COL13A1: variants seen among roughly 807,000 people sequenced by gnomAD.
The protein encoded by COL13A1 is collagen alpha-1(XIII) chain.
Under a neutral mutation model 130.9 loss-of-function variants are expected in COL13A1, and 89 were observed. The ratio of observed to expected loss-of-function variants is 0.68; its 90% CI spans 0.57 to 0.81. COL13A1 has a LOEUF of 0.81. Among genes scored for constraint, COL13A1 ranks in the 30% least tolerant of loss-of-function variants. The probability of loss-of-function intolerance (pLI) is 0.00; values close to 1 mark genes in which losing one functional copy is unlikely to be tolerated. For synonymous variants in COL13A1, 402 were observed against 341.6 expected (o/e 1.18, Z -1.95); for missense variants, 879 against 934.6 (o/e 0.94, Z 0.78).
At chr10:69,834,465 C>A (rs1213046470) in intron 2 of COL13A1, among the ~76,000 whole-genome samples, 1 of 152,196 alleles carries the variant, frequency 6.6e-6, no homozygotes, top group Non-Finnish European at 1.5e-5. Context: ...CAATTATGAG[C>A]CTCTGAGCCC....
At chr10:69,841,466 T>C (rs933571248) in intron 2 of COL13A1, among the ~76,000 whole-genome samples, 1 of 152,190 alleles carries the variant, frequency 6.6e-6, no homozygotes, top group Non-Finnish European at 1.5e-5. Flanking sequence ...ATTTAAGGTG[T>C]CAGGCTCAGA....
intron 2 of COL13A1, among the ~76,000 whole-genome samples, chr10:69,831,895 T>C (rs1476593610): frequency 6.6e-6 from 1 of 152,126 alleles, no homozygotes; most frequent in East Asian, 1.9e-4. Context: ...TGACCTCACA[T>C]AAAATGGGAA....
Position 69,898,018 on chromosome 10 carries a change from G to A in COL13A1, c.685-679G>A, listed in dbSNP as rs115500490. The stretch of plus-strand genomic sequence containing the variant: ...GCCCAGCCTCTATCTTCCAGGCCCC[G>A]CAGCCCCAGGGTGAGCCCTCAGCAG... On this transcript the variant is annotated intron_variant, in intron 13 of 40. Transcript: ENST00000645393. Among the ~76,000 whole-genome samples, 266 of 152,240 alleles carry A rather than the reference G, an allele frequency of 1.7e-3. 1 individual carries two copies. The highest frequency in any genetic ancestry group is 5.9e-3 in the African/African-American group (247 of 41,538).
chr10:69,902,684 A>G lies in COL13A1; in HGVS notation c.751-64A>G, dbSNP rs2062324017. On this transcript the variant is annotated intron_variant, in intron 14 of 40. Transcript: ENST00000645393. Reference sequence around the variant, plus strand: ...AGGCCTTCACTGGGTGCATGGCCTGAGGGTGGGGGACGGTCTGCAGCTCTG... The same window carrying G: ...AGGCCTTCACTGGGTGCATGGCCTGGGGGTGGGGGACGGTCTGCAGCTCTG... 3.6e-6 allele frequency: 5 copies of G among 1,374,918 alleles called. No individual in the cohort carries two copies. The South Asian group carries it at 5.3e-5, about 15-fold the overall frequency. The allele number at this position is 1,374,918 out of a possible 1,614,324, so 85.2% of individuals were successfully genotyped here.
chr10:69,804,869 C>T (rs1269102874), intron 1 of COL13A1, among the ~76,000 whole-genome samples: 2 of 137,568 alleles, frequency 1.5e-5, no homozygotes, highest in African/African-American at 5.5e-5. Flanking sequence ...AAGAGAGGGG[C>T]CTGGGGAATG....
At chr10:69,803,177 C>G (rs924846395) in intron 1 of COL13A1, among the ~76,000 whole-genome samples, 9 of 152,154 alleles carry the variant, frequency 5.9e-5, no homozygotes, top group Admixed American at 2.6e-4. Flanking sequence ...CCGGGGGGTG[C>G]GGGGAGAGGG....
At chr10:69,889,613 G>A (rs150605749) in intron 10 of COL13A1, among the ~76,000 whole-genome samples, 173 bp downstream of exon 10, 2 of 152,214 alleles carry the variant, frequency 1.3e-5, no homozygotes, top group Non-Finnish European at 2.9e-5. Flanking sequence ...CAATATGCAG[G>A]GAGGAGAAAT....
chr10:69,926,404 T>C (rs1010566369), intron 26 of COL13A1, among the ~76,000 whole-genome samples: 7 of 152,182 alleles, frequency 4.6e-5, no homozygotes, highest in African/African-American at 1.7e-4. Flanking sequence ...CTGTGTGTTG[T>C]AGGATGTGCA....
Position 69,934,919 on chromosome 10 carries a change from C to T in COL13A1, c.1729-431C>T, listed in dbSNP as rs926104620. ...GGGTCAGGCCTGCAAAAAGTGACTG[C>T]AAGAGCGCTGGATCAAAGACAATAA... On this transcript the variant is annotated intron_variant, in intron 31 of 40. Transcript: ENST00000645393. 4.6e-5 allele frequency among the ~76,000 whole-genome samples: 7 copies of T among 152,254 alleles called. No individual in the cohort carries two copies. The East Asian group carries it at 1.2e-3, about 25-fold the overall frequency.
At chr10:69,919,753 T>C in intron 21 of COL13A1, 26 bp downstream of exon 21, 1 of 398,694 alleles carries the variant, frequency 2.5e-6, no homozygotes, top group Non-Finnish European at 4.4e-6. Context: ...TTTGAGTGTG[T>C]GCCCCTTCAT....
rs897701811 is a variant in COL13A1, at chr10:69,905,069, TGAGA to T, written c.885+113_885+116del. ...GGCAGGAGCAGAGAGGGATCTCAGC[TGAGA>T]GACAGATCAAGCTTGACCCACTTAC... On this transcript the variant is annotated intron_variant, in intron 16 of 40. Transcript: ENST00000645393. 2.0e-4 allele frequency: 257 copies of T among 1,262,026 alleles called. 3 individuals carry two copies. In the Admixed American group the frequency reaches 5.2e-3, roughly 25 times the overall value. The allele number at this position is 1,262,026 out of a possible 1,614,324, so 78.2% of individuals were successfully genotyped here.
intron 2 of COL13A1, among the ~76,000 whole-genome samples, chr10:69,852,622 G>T (rs373416192): frequency 6.6e-6 from 1 of 152,272 alleles, no homozygotes; most frequent in Non-Finnish European, 1.5e-5. Context: ...GGGTGACTGG[G>T]CTGGTGTGGA....
At chr10:69,919,118 G>A (rs1405846962) in intron 20 of COL13A1, 30 bp downstream of exon 20, 1 of 1,613,744 alleles carries the variant, frequency 6.2e-7, no homozygotes, top group East Asian at 2.2e-5. Flanking sequence ...GTTCCGGGCT[G>A]CACAGAGCAT....
chr10:69,853,084 C>T (rs55767922), intron 2 of COL13A1, among the ~76,000 whole-genome samples: 52,149 of 152,092 alleles, frequency 0.34, 9,909 homozygotes, highest in East Asian at 0.62. Flanking sequence ...TAGCGATCAG[C>T]ATCTGATAAC....
chr10:69,899,308 A>T (rs2061964399), intron 14 of COL13A1, among the ~76,000 whole-genome samples: 1 of 152,254 alleles, frequency 6.6e-6, no homozygotes, highest in Non-Finnish European at 1.5e-5. Context: ...CATTTGGAAT[A>T]GTTCCTGGCA....
chr10:69,906,062 C>T (rs2062722016), intron 17 of COL13A1, among the ~76,000 whole-genome samples: 1 of 152,212 alleles, frequency 6.6e-6, no homozygotes, highest in Admixed American at 6.5e-5. Context: ...GGGTCCAGCT[C>T]TTACAGGCCA....
rs2070791857 is a variant in COL13A1, at chr10:69,956,790, T to C, written c.2146-214T>C. 14 of 561,480 alleles carry C rather than the reference T, an allele frequency of 2.5e-5. No homozygotes were observed. The South Asian group carries it at 2.8e-4, about 11-fold the overall frequency. 34.8% of individuals were successfully genotyped at this position (561,480 alleles called of 1,614,324 possible). ...GCCCCTATTGACGTTGCACTATAGCTGCATGTGACCTTTAACCAATGGTAA... is the reference window on the plus strand; with the variant it reads ...GCCCCTATTGACGTTGCACTATAGCCGCATGTGACCTTTAACCAATGGTAA... On this transcript the variant is annotated intron_variant, in intron 39 of 40. Transcript: ENST00000645393.
In COL13A1 at chr10:69,878,059, C is replaced by A. The variant is rs937419735; in HGVS notation, c.456C>A (p.Gly152=). 2.8e-6 allele frequency: 2 copies of A among 702,878 alleles called. No homozygotes were observed. Among genetic ancestry groups the A allele is most frequent in the South Asian group, 3.0e-5 (2 of 67,604 alleles). 43.5% of individuals were successfully genotyped at this position (702,878 alleles called of 1,614,324 possible). A position where few individuals can be genotyped will look rare whatever the true frequency, so the allele number is the denominator to read the frequency against. ...CCCAGGGAGTAAAGGGCCAACCAGG[C>A]GAGAAGGTGAGTCCACACTTTCCCC... ...PGRVGVKGQP[G]EKGSPGDAGL... The change falls in exon 6 of 41, where the codon GGC becomes GGA. Residue 152 remains glycine, a synonymous_variant. Coordinates refer to ENST00000645393, the MANE Select transcript of COL13A1 (RefSeq NM_001368882.1).
rs114745505 is a variant in COL13A1 at position 69,929,601 on chromosome 10, C to T, written c.1486-442C>T. ...CATCATTTTGCCACCTCCCTTAACT[C>T]CCCACCTGACCCAAAGAAGGGGCTT... On this transcript the variant is annotated intron_variant, in intron 28 of 40. Transcript: ENST00000645393. Among the ~76,000 whole-genome samples the T allele has an allele frequency of 5.4e-3, 825 of 152,298 alleles. 10 individuals carry two copies. Among genetic ancestry groups the T allele is most frequent in the African/African-American group, 0.015 (621 of 41,552 alleles).
Sources: allele counts gnomAD v4.1 joint callset (sites outside exome capture counted in the v4.1 genomes callset), GRCh38; gene constraint gnomAD v4.1.1; transcripts MANE v1.5; gene names NCBI Gene and HGNC (gene_info 2026-07-23, HGNC 2026-07-21).